EIF4ENIF1: variants seen among roughly 807,000 people sequenced by gnomAD.
EIF4ENIF1 encodes the protein eukaryotic translation initiation factor 4E transporter.
In EIF4ENIF1, 23 loss-of-function variants were observed where a neutral mutation model predicts 110.5. The ratio of observed to expected loss-of-function variants is 0.21; its 90% CI spans 0.15 to 0.29. EIF4ENIF1 has a LOEUF of 0.29. Ranked by LOEUF, EIF4ENIF1 falls within the 10% of genes least tolerant of loss-of-function variation. The pLI, the probability that EIF4ENIF1 is intolerant of heterozygous loss-of-function variation, is 1.00. For synonymous variants in EIF4ENIF1, 440 were observed against 437.0 expected (o/e 1.01, Z -0.09); for missense variants, 1,031 against 1,221.1 (o/e 0.84, Z 2.32).
chr22:31,444,849 G>T (rs2050413113), intron 14 of EIF4ENIF1, among the ~76,000 whole-genome samples, 159 bp from the exon 15 acceptor site: 1 of 152,134 alleles, frequency 6.6e-6, no homozygotes, highest in African/African-American at 2.4e-5. Context: ...AAAAGCACAT[G>T]CTAAGCTCTG....
intron 10 of EIF4ENIF1, chr22:31,453,475 A>G: frequency 3.8e-6 from 1 of 266,568 alleles, no homozygotes; most frequent in Non-Finnish European, 7.6e-6. Context: ...CCCAGGTTCA[A>G]GCAGTTCTCT....
intron 2 of EIF4ENIF1, among the ~76,000 whole-genome samples, chr22:31,480,022 T>C (rs1892781441): frequency 6.6e-6 from 1 of 152,136 alleles, no homozygotes; most frequent in Admixed American, 6.6e-5. Context: ...TGGAAAGTCT[T>C]AACCCATAGG....
In EIF4ENIF1 at chr22:31,455,839, G is replaced by A. The variant is rs765364219; in HGVS notation, c.1099+13C>T. ...AGGTTTACCTTCAAGGGCAGAATCTGAAGCCATTTTACCTGCAAGTCTCTC... is the reference window on the plus strand; with the variant it reads ...AGGTTTACCTTCAAGGGCAGAATCTAAAGCCATTTTACCTGCAAGTCTCTC... On this transcript the variant is annotated intron_variant, in intron 8 of 18. Transcript: ENST00000330125. 1.2e-6 allele frequency: 2 copies of A among 1,613,322 alleles called. No individual in the cohort carries two copies. Among genetic ancestry groups the A allele is most frequent in the Non-Finnish European group, 8.5e-7 (1 of 1,179,732 alleles).
rs543696539 is a variant in EIF4ENIF1 at position 31,484,540 on chromosome 22, T to A, written c.96+4083A>T. ...GTTTCCACAGAATACACCACCTATTTAAAAAAAAAAAAAAATCACCGGCCG... is the reference window on the plus strand; with the variant it reads ...GTTTCCACAGAATACACCACCTATTAAAAAAAAAAAAAAAATCACCGGCCG... On this transcript the variant is annotated intron_variant, in intron 2 of 18. Coordinates refer to ENST00000330125, the MANE Select transcript of EIF4ENIF1 (RefSeq NM_019843.4). 3.4e-4 allele frequency among the ~76,000 whole-genome samples: 47 copies of A among 139,246 alleles called. No individual in the cohort carries two copies. In the South Asian group the frequency reaches 7.6e-3, roughly 22 times the overall value. 91.4% of individuals were successfully genotyped at this position (139,246 alleles called of 152,430 possible).
chr22:31,440,755 G>T lies in EIF4ENIF1; in HGVS notation c.2665C>A (p.Pro889Thr). 1 of 1,614,008 alleles carries T rather than the reference G, an allele frequency of 6.2e-7. No individual in the cohort carries two copies. Among genetic ancestry groups the T allele is most frequent in the Non-Finnish European group, 8.5e-7 (1 of 1,179,882 alleles). ...AASHPLLNPR[P>T]GTPLHLAMVQ... ...ATTGCCAGATGCAGAGGTGTTCCAGGACGAGGGTTTAAGAGAGGGTGACTA... is the reference window on the plus strand; with the variant it reads ...ATTGCCAGATGCAGAGGTGTTCCAGTACGAGGGTTTAAGAGAGGGTGACTA... The change falls in exon 18 of 19, where the codon CCT becomes ACT. Residue 889 changes from proline (P) to threonine (T), a missense_variant. Pro to Thr is a conservative substitution (Grantham distance 38). Transcript: ENST00000330125.
intron 1 of EIF4ENIF1, chr22:31,489,080 T>TG (rs1470019030): frequency 1.5e-5 from 3 of 206,168 alleles, no homozygotes; most frequent in Non-Finnish European, 3.0e-5. Context: ...TTTCCCGGAG[T>TG]GGGGGCAGGT....
rs1270628990 is a variant in EIF4ENIF1, at chr22:31,468,046, G to A, written c.298+129C>T. ...CCTGCTGATTAGGAAAAATCCAACC[G>A]ATAAATCAGTTTCCTGATAATGACA... On this transcript the variant is annotated intron_variant, in intron 4 of 18. Coordinates refer to ENST00000330125, the MANE Select transcript of EIF4ENIF1 (RefSeq NM_019843.4). 5.8e-6 allele frequency: 8 copies of A among 1,371,228 alleles called. No individual in the cohort carries two copies. In the Admixed American group the frequency reaches 6.8e-5, roughly 12 times the overall value. The allele number at this position is 1,371,228 out of a possible 1,614,324, so 84.9% of individuals were successfully genotyped here. A position where few individuals can be genotyped will look rare whatever the true frequency, so the allele number is the denominator to read the frequency against.
intron 2 of EIF4ENIF1, among the ~76,000 whole-genome samples, chr22:31,473,063 CTTT>C (rs36036794): frequency 7.5e-5 from 10 of 133,162 alleles, no homozygotes; most frequent in Non-Finnish European, 8.1e-5. Context: ...TATGAGCGAG[CTTT>C]TTTTTTTTTT....
At chr22:31,488,552 G>C in intron 2 of EIF4ENIF1, 71 bp downstream of exon 2, 2 of 1,590,694 alleles carry the variant, frequency 1.3e-6, no homozygotes, top group Admixed American at 1.7e-5. Flanking sequence ...TAATAGGAAT[G>C]AAATAGTTAT....
rs749825095 is a variant in EIF4ENIF1 at position 31,449,329 on chromosome 22, G to A, written c.1768+19C>T. 6.2e-7 allele frequency: 1 copy of A among 1,609,436 alleles called. No homozygotes were observed. Among genetic ancestry groups the A allele is most frequent in the South Asian group, 1.1e-5 (1 of 90,626 alleles). On this transcript the variant is annotated intron_variant, in intron 12 of 18. Coordinates refer to ENST00000330125, the MANE Select transcript of EIF4ENIF1 (RefSeq NM_019843.4). Reference sequence around the variant, plus strand: ...CTGGCCATAAATTCATATTTCTTTTGACAAATAAGTATATTTACCAATTGG... The same window carrying A: ...CTGGCCATAAATTCATATTTCTTTTAACAAATAAGTATATTTACCAATTGG...
At chr22:31,479,687 G>GTT (rs11321585) in intron 2 of EIF4ENIF1, among the ~76,000 whole-genome samples, 16 of 124,818 alleles carry the variant, frequency 1.3e-4, no homozygotes, top group East Asian at 9.5e-4. Context: ...TTGGAAAGGT[G>GTT]TTTTTTTTTT....
downstream of EIF4ENIF1, among the ~76,000 whole-genome samples, chr22:31,438,826 G>A (rs977745172): frequency 2.6e-5 from 4 of 151,978 alleles, no homozygotes; most frequent in Non-Finnish European, 5.9e-5. Flanking sequence ...AGGTTCAGGC[G>A]ATTCTTCTGT....
intron 10 of EIF4ENIF1, among the ~76,000 whole-genome samples, chr22:31,452,592 G>A (rs1246245170): frequency 6.6e-6 from 1 of 152,114 alleles, no homozygotes; most frequent in South Asian, 2.1e-4. Flanking sequence ...CATATTTTTA[G>A]TTGCTCACAC....
intron 7 of EIF4ENIF1, among the ~76,000 whole-genome samples, chr22:31,457,290 G>C (rs2042872260): frequency 6.6e-6 from 1 of 151,980 alleles, no homozygotes; most frequent in Non-Finnish European, 1.5e-5. Context: ...AAATTGCTTT[G>C]GTAGAAATTA....
At position 31,488,620 on chromosome 22, in the gene EIF4ENIF1, T is replaced by C. The variant is rs550566239; in HGVS notation, c.96+3A>G. 1.2e-5 allele frequency: 19 copies of C among 1,614,206 alleles called. No individual in the cohort carries two copies. In the East Asian group the frequency reaches 1.6e-4, roughly 13 times the overall value. On this transcript the variant is annotated splice_donor_region_variant and intron_variant, in intron 2 of 18. Transcript: ENST00000330125. ...ACACTATTTCATTAGTGGCAAACCTTACTTTTGTATAGCGATGGGGGCATT... is the reference window on the plus strand; with the variant it reads ...ACACTATTTCATTAGTGGCAAACCTCACTTTTGTATAGCGATGGGGGCATT...
intron 8 of EIF4ENIF1, 66 bp from the exon 9 acceptor site, chr22:31,455,381 A>G (rs974482361): frequency 9.0e-7 from 1 of 1,109,868 alleles, no homozygotes; most frequent in Non-Finnish European, 1.2e-6. Flanking sequence ...CTTCGACAGT[A>G]TTTTTCTTTC....
chr22:31,472,834 T>C (rs758159774), intron 2 of EIF4ENIF1, among the ~76,000 whole-genome samples: 18 of 152,072 alleles, frequency 1.2e-4, no homozygotes, highest in Non-Finnish European at 2.1e-4. Flanking sequence ...ACATTTAAAG[T>C]CCTCCCTTCT....
chr22:31,471,289 A>C, intron 3 of EIF4ENIF1, among the ~76,000 whole-genome samples: 1 of 149,898 alleles, frequency 6.7e-6, no homozygotes, highest in Non-Finnish European at 1.5e-5. Context: ...AGAGGACAAG[A>C]CCCTGGTGAG....
intron 3 of EIF4ENIF1, among the ~76,000 whole-genome samples, chr22:31,470,526 G>A (rs548095884): frequency 6.6e-6 from 1 of 151,924 alleles, no homozygotes; most frequent in Admixed American, 6.6e-5. Flanking sequence ...TGATCTGCCC[G>A]CCCTGGCCTC....
Sources: allele counts gnomAD v4.1 joint callset (sites outside exome capture counted in the v4.1 genomes callset), GRCh38; gene constraint gnomAD v4.1.1; transcripts MANE v1.5; gene names NCBI Gene and HGNC (gene_info 2026-07-23, HGNC 2026-07-21).